Variants in KCNB2 observed in about 807,000 individuals in gnomAD.
The protein encoded by KCNB2 is delayed rectifier potassium channel protein.
In KCNB2, 15 loss-of-function variants were observed where a neutral mutation model predicts 61.5. That is an observed-to-expected ratio of 0.24 (90% CI 0.16 to 0.38). The LOEUF is 0.38. Among genes scored for constraint, KCNB2 ranks in the 10% least tolerant of loss-of-function variants. The probability of loss-of-function intolerance (pLI) is 1.00; values close to 1 mark genes in which losing one functional copy is unlikely to be tolerated. For synonymous variants in KCNB2, 457 were observed against 446.0 expected (o/e 1.02, Z -0.31); for missense variants, 828 against 1,125.2 (o/e 0.74, Z 3.78).
intron 2 of KCNB2, among the ~76,000 whole-genome samples, chr8:72,704,936 C>A (rs1807195330): frequency 6.9e-6 from 1 of 144,978 alleles, no homozygotes; most frequent in African/African-American, 2.6e-5. Flanking sequence ...ACATGTCATA[C>A]CATATTTTTT....
At chr8:72,759,037 G>A (rs1167949299) in intron 2 of KCNB2, among the ~76,000 whole-genome samples, 1 of 152,172 alleles carries the variant, frequency 6.6e-6, no homozygotes, top group Non-Finnish European at 1.5e-5. Flanking sequence ...TCCTTTTCCT[G>A]TGTTTAATGA....
chr8:72,716,287 AG>A (rs1807439207), intron 2 of KCNB2, among the ~76,000 whole-genome samples: 1 of 152,166 alleles, frequency 6.6e-6, no homozygotes. Context: ...ATAGAAAAAC[AG>A]GGAATCCTCC....
chr8:72,797,135 T>A (rs1585898679), intron 2 of KCNB2, among the ~76,000 whole-genome samples: 1 of 152,342 alleles, frequency 6.6e-6, no homozygotes, highest in African/African-American at 2.4e-5. Context: ...ACTGGGCTCC[T>A]TATTTTATGA....
intron 2 of KCNB2, among the ~76,000 whole-genome samples, chr8:72,816,086 A>C (rs569861441): frequency 9.5e-4 from 145 of 152,322 alleles, no homozygotes; most frequent in African/African-American, 3.4e-3. Flanking sequence ...TAAAGAGAAA[A>C]AAACTTGAAG....
chr8:72,582,293 A>G (rs568558141), intron 2 of KCNB2, among the ~76,000 whole-genome samples: 1 of 152,230 alleles, frequency 6.6e-6, no homozygotes, highest in East Asian at 1.9e-4. Context: ...CATCCTGTTC[A>G]GGGCTTTAAG....
intron 2 of KCNB2, among the ~76,000 whole-genome samples, chr8:72,620,780 G>A (rs548841190): frequency 1.3e-5 from 2 of 152,008 alleles, no homozygotes; most frequent in South Asian, 4.2e-4. Flanking sequence ...GGCTAATTTC[G>A]TGTTTTTAGT....
At position 72,734,261 on chromosome 8, in the gene KCNB2, G is replaced by A. The variant is rs188309773; in HGVS notation, c.579+165948G>A. 2.8e-4 allele frequency among the ~76,000 whole-genome samples: 43 copies of A among 152,248 alleles called. No homozygotes were observed. In the East Asian group the frequency reaches 4.6e-3, roughly 16 times the overall value. On this transcript the variant is annotated intron_variant, in intron 2 of 2. Transcript: ENST00000523207. ...CTCAACCTGTACAGGCAGCTTTGGT[G>A]AAAATAAGAGCCAACATCAGTACAT... is the stretch of plus-strand genomic sequence containing the variant.
chr8:72,897,275 A>T (rs1027163122), intron 2 of KCNB2, among the ~76,000 whole-genome samples: 20 of 77,970 alleles, frequency 2.6e-4, no homozygotes, highest in Non-Finnish European at 4.3e-4. Context: ...AAGTGAAAAT[A>T]AAAAAATTAT....
At chr8:72,822,161 AGCTGTGTGTTCCTGTG>A (rs1404578492) in intron 2 of KCNB2, among the ~76,000 whole-genome samples, 2 of 152,248 alleles carry the variant, frequency 1.3e-5, no homozygotes, top group East Asian at 3.8e-4. Flanking sequence ...TTCAGGAATT[AGCTGTGTGTTCCTGTG>A]GCTGCTGCCC....
chr8:72,726,405 C>G (rs948821572), intron 2 of KCNB2, among the ~76,000 whole-genome samples: 1 of 152,114 alleles, frequency 6.6e-6, no homozygotes, highest in Non-Finnish European at 1.5e-5. Flanking sequence ...CTGACGCAGA[C>G]CAATATCTAA....
intron 1 of KCNB2, among the ~76,000 whole-genome samples, chr8:72,551,709 T>C (rs975233362): frequency 5.3e-5 from 8 of 152,150 alleles, no homozygotes; most frequent in Non-Finnish European, 1.2e-4. Flanking sequence ...TTACCCCAAA[T>C]CTAACTTTAA....
intron 2 of KCNB2, among the ~76,000 whole-genome samples, chr8:72,896,589 C>G (rs1172297876): frequency 6.6e-6 from 1 of 152,022 alleles, no homozygotes. Flanking sequence ...AAAGGTTATC[C>G]TAATATATCT....
At chr8:72,836,618 C>T (rs1366418463) in intron 2 of KCNB2, among the ~76,000 whole-genome samples, 1 of 152,178 alleles carries the variant, frequency 6.6e-6, no homozygotes, top group Non-Finnish European at 1.5e-5. Flanking sequence ...TTACCCAAAA[C>T]ACTGTCAAGA....
At position 72,937,872 on chromosome 8, in the gene KCNB2, T is replaced by A. The variant is rs770616167; in HGVS notation, c.2517T>A (p.Ser839Arg). Reference sequence around the variant, plus strand: ...CAAATTGCTTTGCAGATAAGCCTAGTGATGGGAGAGACCCTTTAAGAGAAG... The same window carrying A: ...CAAATTGCTTTGCAGATAAGCCTAGAGATGGGAGAGACCCTTTAAGAGAAG... ...SSPNCFADKPSDGRDPLREEG... is the reference protein window; with the variant it reads ...SSPNCFADKPRDGRDPLREEG... The change falls in exon 3 of 3, where the codon AGT becomes AGA. Residue 839 changes from serine to arginine, a missense_variant. Ser to Arg is a moderately radical substitution (Grantham distance 110, BLOSUM62 -1). Transcript: ENST00000523207. 4.3e-6 allele frequency: 7 copies of A among 1,613,954 alleles called. No individual in the cohort carries two copies. The African/African-American group carries it at 9.3e-5, about 22-fold the overall frequency.
At chr8:72,737,568 T>C (rs1256136384) in intron 2 of KCNB2, among the ~76,000 whole-genome samples, 3 of 152,226 alleles carry the variant, frequency 2.0e-5, no homozygotes, top group Admixed American at 1.3e-4. Context: ...TCAGCTATTA[T>C]AATTGGCAAA....
chr8:72,713,909 T>G (rs1216058165), intron 2 of KCNB2, among the ~76,000 whole-genome samples: 1 of 151,926 alleles, frequency 6.6e-6, no homozygotes, highest in African/African-American at 2.4e-5. Context: ...TTAAAAACTT[T>G]GAAAAAAAAT....
chr8:72,728,228 C>T (rs1048541308), intron 2 of KCNB2, among the ~76,000 whole-genome samples: 12 of 152,110 alleles, frequency 7.9e-5, no homozygotes, highest in South Asian at 2.1e-4. Context: ...TGGAAATAAA[C>T]GTTAACCCCA....
intron 2 of KCNB2, among the ~76,000 whole-genome samples, chr8:72,825,864 G>T (rs561810439): frequency 1.3e-5 from 2 of 152,176 alleles, no homozygotes; most frequent in East Asian, 1.9e-4. Flanking sequence ...TCACTCTTTT[G>T]ATAGTGTCCT....
In KCNB2 at chr8:72,937,601, C is replaced by T. The variant is rs1423501300; in HGVS notation, c.2246C>T (p.Pro749Leu). 13 of 1,613,950 alleles carry T rather than the reference C, an allele frequency of 8.1e-6. No homozygotes were observed. Among genetic ancestry groups the T allele is most frequent in the South Asian group, 1.1e-5 (1 of 91,082 alleles). The change falls in exon 3 of 3, where the codon CCG (proline) becomes CTG (leucine). Residue 749 changes from proline to leucine, a missense_variant. By Grantham distance (98) the Pro-to-Leu change is moderately conservative. Coordinates refer to ENST00000523207, the MANE Select transcript of KCNB2 (RefSeq NM_004770.3). Reference sequence around the variant, plus strand: ...ACAGCTGACTTTTCGCTCACTACCCCGCAGCACATCAGTACCATCCTCTTA... The same window carrying T: ...ACAGCTGACTTTTCGCTCACTACCCTGCAGCACATCAGTACCATCCTCTTA... ...VTTADFSLTT[P>L]QHISTILLEE...
Sources: allele counts gnomAD v4.1 joint callset (sites outside exome capture counted in the v4.1 genomes callset), GRCh38; gene constraint gnomAD v4.1.1; transcripts MANE v1.5; gene names NCBI Gene and HGNC (gene_info 2026-07-23, HGNC 2026-07-21).